WDR25: variants seen among roughly 807,000 people sequenced by gnomAD.
WDR25 encodes the protein WD repeat-containing protein 25.
Under a neutral mutation model 47.7 loss-of-function variants are expected in WDR25, and 35 were observed. The observed-to-expected ratio is 0.73, with a 90% CI of 0.56 to 0.97. The LOEUF is 0.97. WDR25 is among the 50% of genes least tolerant of loss of function. WDR25 has a pLI of 0.00. For synonymous variants in WDR25, 248 were observed against 278.9 expected, an observed-to-expected ratio of 0.89 and a Z score of 1.10; for missense variants, 634 against 704.7, an observed-to-expected ratio of 0.90 and a Z score of 1.14.
intron 2 of WDR25, among the ~76,000 whole-genome samples, chr14:100,451,118 C>T (rs1387115201): frequency 6.6e-6 from 1 of 152,074 alleles, no homozygotes; most frequent in African/African-American, 2.4e-5. Flanking sequence ...GTGACTGAGT[C>T]GGGGAGGGAC....
rs1303512431 is a variant in WDR25 at position 100,425,301 on chromosome 14, G to A, written c.823-42720G>A. On this transcript the variant is annotated intron_variant, in intron 2 of 6. Coordinates refer to ENST00000402312, the MANE Select transcript of WDR25 (RefSeq NM_001161476.3). This position sits in a 1 kb window ranked among gnomAD's most constrained non-coding sequence, Gnocchi z 4.8. ...CCCCATGGGCCTAAGCTGTAACGGG[G>A]CAGGGCTGTCACTTGCACTGACTCA... Among the ~76,000 whole-genome samples the A allele has an allele frequency of 1.3e-5, 2 of 152,198 alleles. No individual in the cohort carries two copies. The highest frequency in any genetic ancestry group is 6.5e-5 in the Admixed American group (1 of 15,288).
At chr14:100,473,012 G>C (rs1001472168) in intron 3 of WDR25, among the ~76,000 whole-genome samples, 11 of 152,248 alleles carry the variant, frequency 7.2e-5, no homozygotes, top group African/African-American at 1.9e-4. Context: ...AGCCAACTGG[G>C]ACTGGGCTCA....
At chr14:100,490,042 T>G (rs1900510672) in intron 4 of WDR25, among the ~76,000 whole-genome samples, 1 of 152,242 alleles carries the variant, frequency 6.6e-6, no homozygotes, top group Admixed American at 6.5e-5. Flanking sequence ...TGACTTGGTT[T>G]CTTGACCTCC....
rs934104361 is a variant in WDR25 at position 100,428,564 on chromosome 14, T to C, written c.823-39457T>C. Among the ~76,000 whole-genome samples the C allele has an allele frequency of 6.6e-6, 1 of 152,182 alleles. No individual in the cohort carries two copies. The highest frequency in any genetic ancestry group is 1.5e-5 in the Non-Finnish European group (1 of 68,040). On this transcript the variant is annotated intron_variant, in intron 2 of 6. Coordinates refer to ENST00000402312, the MANE Select transcript of WDR25 (RefSeq NM_001161476.3). The surrounding 1 kb of genome is among the most constrained non-coding windows in gnomAD (Gnocchi z 4.3). ...TGGAGGTGGCCCCTGTGGTGGTCCCTGTTGATGCCGACCTGCTAGCCTGCT... is the reference window on the plus strand; with the variant it reads ...TGGAGGTGGCCCCTGTGGTGGTCCCCGTTGATGCCGACCTGCTAGCCTGCT...
rs1431708641 is a variant in WDR25 at position 100,428,854 on chromosome 14, C to T, written c.823-39167C>T. ...TTCATGAAATTGGTTTGTTTTTCTT[C>T]TTCCATTTCATGAAGCAATATCACT... On this transcript the variant is annotated intron_variant, in intron 2 of 6. Coordinates refer to ENST00000402312, the MANE Select transcript of WDR25 (RefSeq NM_001161476.3). This position sits in a 1 kb window ranked among gnomAD's most constrained non-coding sequence, Gnocchi z 4.3. Among the ~76,000 whole-genome samples, 1 of 152,078 alleles carries T rather than the reference C, an allele frequency of 6.6e-6. No homozygotes were observed. The highest frequency in any genetic ancestry group is 1.5e-5 in the Non-Finnish European group (1 of 68,004).
At chr14:100,486,247 G>A (rs181129826) in intron 4 of WDR25, among the ~76,000 whole-genome samples, 6 of 152,198 alleles carry the variant, frequency 3.9e-5, no homozygotes, top group East Asian at 1.9e-4. Context: ...GACCAAACAC[G>A]TAAGAAATTA....
intron 2 of WDR25, among the ~76,000 whole-genome samples, chr14:100,436,508 A>T (rs1359620270): frequency 6.6e-6 from 1 of 152,194 alleles, no homozygotes; most frequent in Non-Finnish European, 1.5e-5. Context: ...GGCTCCATGG[A>T]TTTGCAGCCA....
rs1415909485 is a variant in WDR25 at position 100,407,339 on chromosome 14, T to C, written c.822+25593T>C. On this transcript the variant is annotated intron_variant, in intron 2 of 6. Transcript: ENST00000402312. This position sits in a 1 kb window ranked among gnomAD's most constrained non-coding sequence, Gnocchi z 4.1. ...TCTCAGGCTCACATACCTCTCAGAG[T>C]CCAGGAGGCAGTGAGGGAAAGCTTT... The C allele has an allele frequency of 1.3e-5, 2 of 152,108 alleles. No individual in the cohort carries two copies. Among genetic ancestry groups the C allele is most frequent in the African/African-American group, 4.8e-5 (2 of 41,400 alleles). 9.4% of individuals were successfully genotyped at this position (152,108 alleles called of 1,614,324 possible).
chr14:100,485,880 A>G (rs950257356), intron 4 of WDR25, among the ~76,000 whole-genome samples: 1 of 152,172 alleles, frequency 6.6e-6, no homozygotes, highest in South Asian at 2.1e-4. Context: ...GAGAATGGGA[A>G]GTTTTGTCTG....
chr14:100,446,810 C>T (rs1451257003), intron 2 of WDR25, among the ~76,000 whole-genome samples: 33 of 152,192 alleles, frequency 2.2e-4, no homozygotes, highest in Admixed American at 6.5e-5. Context: ...GCTCTGTGGG[C>T]GTGGTTATGT....
At chr14:100,394,851 G>A (rs568872804) in intron 2 of WDR25, among the ~76,000 whole-genome samples, 3 of 152,308 alleles carry the variant, frequency 2.0e-5, no homozygotes, top group African/African-American at 7.2e-5. Context: ...TGGGTGTGGT[G>A]GCACATGCCT....
At chr14:100,497,010 A>T (rs536250937) in intron 4 of WDR25, among the ~76,000 whole-genome samples, 1 of 151,516 alleles carries the variant, frequency 6.6e-6, no homozygotes, top group Non-Finnish European at 1.5e-5. Flanking sequence ...TAATTTTTGT[A>T]TTTAATAGAG....
intron 2 of WDR25, among the ~76,000 whole-genome samples, chr14:100,391,549 A>G (rs938740458): frequency 6.6e-6 from 1 of 152,142 alleles, no homozygotes; most frequent in Non-Finnish European, 1.5e-5. Context: ...AAAGAAATGC[A>G]ATCTGGAAAG....
chr14:100,518,894 TAA>T (rs562570627), intron 4 of WDR25, among the ~76,000 whole-genome samples: 29 of 135,150 alleles, frequency 2.1e-4, no homozygotes, highest in Admixed American at 3.0e-4. Context: ...ACTTCATCTC[TAA>T]AAAAAAAAAA....
At chr14:100,507,447 T>C (rs186161668) in intron 4 of WDR25, among the ~76,000 whole-genome samples, 2 of 152,276 alleles carry the variant, frequency 1.3e-5, no homozygotes, top group Admixed American at 1.3e-4. Flanking sequence ...AAAAATGATA[T>C]TGGTAGTTTG....
chr14:100,399,968 G>A (rs1199960533), intron 2 of WDR25, among the ~76,000 whole-genome samples: 2 of 152,214 alleles, frequency 1.3e-5, no homozygotes, highest in African/African-American at 4.8e-5. Context: ...AGTTACACAT[G>A]GGAGAGGGTT....
At chr14:100,403,510 G>C (rs1897441970) in intron 2 of WDR25, among the ~76,000 whole-genome samples, 1 of 152,230 alleles carries the variant, frequency 6.6e-6, no homozygotes, top group Admixed American at 6.5e-5. Context: ...CTCCCCCACT[G>C]TTTCTTGTAA....
At chr14:100,399,429 A>T (rs1897326920) in intron 2 of WDR25, among the ~76,000 whole-genome samples, 3 of 144,980 alleles carry the variant, frequency 2.1e-5, no homozygotes, top group African/African-American at 5.2e-5. Context: ...CCTTTCTCTC[A>T]TGTCTTTTTC....
chr14:100,474,179 T>C (rs1899941882), intron 3 of WDR25, among the ~76,000 whole-genome samples: 1 of 152,236 alleles, frequency 6.6e-6, no homozygotes, highest in Admixed American at 6.5e-5. Context: ...TTGCCACGAA[T>C]ATCCTTCGTT....
Sources: allele counts gnomAD v4.1 joint callset (sites outside exome capture counted in the v4.1 genomes callset), GRCh38; gene constraint gnomAD v4.1.1; non-coding constraint Gnocchi (gnomAD v3.1); transcripts MANE v1.5; gene names NCBI Gene and HGNC (gene_info 2026-07-23, HGNC 2026-07-21).